Variants in DAZAP2 observed in about 807,000 individuals in gnomAD.
DAZAP2 encodes the protein DAZ associated protein 2.
Under a neutral mutation model 16.2 loss-of-function variants are expected in DAZAP2, and 3 were observed. The observed-to-expected ratio is 0.19, with a 90% confidence interval of 0.08 to 0.48. DAZAP2 has a LOEUF of 0.48. Among genes scored for constraint, DAZAP2 ranks in the 20% least tolerant of loss-of-function variants. The pLI is 0.98. For missense variants in DAZAP2, 172 were observed against 215.9 expected (o/e 0.80, Z 1.27); for synonymous variants, 69 against 77.6 (o/e 0.89, Z 0.58).
Position 51,240,346 on chromosome 12 carries a change from A to G in DAZAP2, c.17A>G (p.Gln6Arg). Residue 6 changes from glutamine to arginine, a missense_variant, in exon 2 of 4, where the codon CAA (glutamine) becomes CGA (arginine). Gln to Arg is a conservative substitution (Grantham distance 43). Coordinates refer to ENST00000412716, the MANE Select transcript of DAZAP2 (RefSeq NM_014764.4). ...TCATTTTTTTCTTGTCTTTCAGGTC[A>G]ATATCCAACACAGCCAACCTACCCT... MNSKG[Q>R]YPTQPTYPVQ... 1.2e-6 allele frequency: 2 copies of G among 1,613,498 alleles called. No individual in the cohort carries two copies. The highest frequency in any genetic ancestry group is 1.7e-6 in the Non-Finnish European group (2 of 1,179,532).
downstream of DAZAP2, chr12:51,246,639 T>TGA (rs1555166538): frequency 1.6e-6 from 1 of 626,212 alleles, no homozygotes; most frequent in Non-Finnish European, 2.7e-6. Context: ...TGTGTGTGTG[T>TGA]AATATAACTT....
downstream of DAZAP2, chr12:51,245,648 A>C (rs1456234283): frequency 3.0e-6 from 1 of 331,862 alleles, no homozygotes; most frequent in Non-Finnish European, 5.6e-6. Flanking sequence ...CCTGTGAAAA[A>C]AGATGACTGG....
chr12:51,246,320 G>A, downstream of DAZAP2: 1 of 668,798 alleles, frequency 1.5e-6, no homozygotes, highest in African/African-American at 1.8e-5. Context: ...TGGTGCTTAA[G>A]CTAAGGACAC....
chr12:51,242,738 T>C lies in DAZAP2; in HGVS notation c.*280T>C, dbSNP rs938558274. ...GGATTTTCCTTTAATTTCTCTGGAG[T>C]AATACTGTACCATACTGGTCTTTGC... is the stretch of plus-strand genomic sequence containing the variant. On this transcript the variant is annotated 3_prime_UTR_variant, in exon 4 of 4. Transcript: ENST00000412716. 1.0e-5 allele frequency: 15 copies of C among 1,461,256 alleles called. No homozygotes were observed. The highest frequency in any genetic ancestry group is 4.3e-5 in the African/African-American group (3 of 70,226). The allele number at this position is 1,461,256 out of a possible 1,614,324, so 90.5% of individuals were successfully genotyped here.
At chr12:51,241,318 A>C (rs1944672721) in intron 3 of DAZAP2, among the ~76,000 whole-genome samples, 1 of 152,140 alleles carries the variant, frequency 6.6e-6, no homozygotes, top group Non-Finnish European at 1.5e-5. Context: ...TGAGTTAACC[A>C]GATTCTTTTG....
chr12:51,245,675 C>T, downstream of DAZAP2: 1 of 422,654 alleles, frequency 2.4e-6, no homozygotes, highest in African/African-American at 2.0e-5. Context: ...ACTCAGATGT[C>T]CCCTGGCATA....
At position 51,238,840 on chromosome 12, in the gene DAZAP2, T is replaced by G. The variant is rs553931724; in HGVS notation, c.-68T>G. Reference sequence around the variant, plus strand: ...GACCATCATGTGACACGGAAGTAGCTCCGAACAGGAAGAGGACGAAAAAAA... The same window carrying G: ...GACCATCATGTGACACGGAAGTAGCGCCGAACAGGAAGAGGACGAAAAAAA... On this transcript the variant is annotated 5_prime_UTR_variant, in exon 1 of 4. Transcript: ENST00000412716. 8.7e-6 allele frequency: 14 copies of G among 1,609,810 alleles called. No homozygotes were observed. The highest frequency in any genetic ancestry group is 5.0e-5 in the Admixed American group (3 of 59,896).
Position 51,243,723 on chromosome 12 carries a change from T to C in DAZAP2, c.*1265T>C, listed in dbSNP as rs1441815651. ...GTGCACTTAACTTGTGGAATTTTTATACTAAAAATGTAGAATAAAGACTAT... is the reference window on the plus strand; with the variant it reads ...GTGCACTTAACTTGTGGAATTTTTACACTAAAAATGTAGAATAAAGACTAT... On this transcript the variant is annotated 3_prime_UTR_variant, in exon 4 of 4. Transcript: ENST00000412716. 2 of 985,346 alleles carry C rather than the reference T, an allele frequency of 2.0e-6. No homozygotes were observed. The highest frequency in any genetic ancestry group is 3.5e-5 in the African/African-American group (2 of 57,240). 61.0% of individuals were successfully genotyped at this position (985,346 alleles called of 1,614,324 possible).
chr12:51,241,212 T>C, intron 3 of DAZAP2, 96 bp downstream of exon 3: 2 of 1,535,226 alleles, frequency 1.3e-6, no homozygotes, highest in Non-Finnish European at 1.8e-6. Flanking sequence ...TGGATGATAG[T>C]TGCCAGTGTT....
chr12:51,245,711 A>C, downstream of DAZAP2: 2 of 482,048 alleles, frequency 4.1e-6, no homozygotes, highest in Non-Finnish European at 7.5e-6. Context: ...CCAGTCACAA[A>C]CACCAGCTCT....
rs567234272 is a variant in DAZAP2 at position 51,242,685 on chromosome 12, A to T, written c.*227A>T. The T allele has an allele frequency of 4.0e-6, 6 of 1,509,322 alleles. No homozygotes were observed. In the African/African-American group the frequency reaches 8.4e-5, roughly 21 times the overall value. 93.5% of individuals were successfully genotyped at this position (1,509,322 alleles called of 1,614,324 possible). ...TGAGGTAGGGGAGGTATCCATTCAT[A>T]AAATGAATGTGGGTGAAGCCGCCCT... On this transcript the variant is annotated 3_prime_UTR_variant, in exon 4 of 4. Transcript: ENST00000412716.
chr12:51,239,049 T>C, intron 1 of DAZAP2, 129 bp downstream of exon 1: 2 of 1,350,924 alleles, frequency 1.5e-6, no homozygotes, highest in South Asian at 1.4e-5. Flanking sequence ...CCGGCTGCAG[T>C]CCAGGGCGCT....
rs571176031 is a variant in DAZAP2 at position 51,241,778 on chromosome 12, G to A, written c.379-552G>A. 5.3e-5 allele frequency among the ~76,000 whole-genome samples: 8 copies of A among 152,096 alleles called. No homozygotes were observed. The South Asian group carries it at 1.7e-3, about 32-fold the overall frequency. The stretch of plus-strand genomic sequence containing the variant: ...TCTACTATAAATACAAAAATTAGCC[G>A]GGCATGGTGGCAGGCGTCTGTAATC... On this transcript the variant is annotated intron_variant, in intron 3 of 3. Coordinates refer to ENST00000412716, the MANE Select transcript of DAZAP2 (RefSeq NM_014764.4).
Position 51,241,074 on chromosome 12 carries a change from A to C in DAZAP2, c.336A>C (p.Ala112=). 1 of 1,614,236 alleles carries C rather than the reference A, an allele frequency of 6.2e-7. No individual in the cohort carries two copies. The highest frequency in any genetic ancestry group is 8.5e-7 in the Non-Finnish European group (1 of 1,180,046). Residue 112 remains alanine (A), a synonymous_variant, in exon 3 of 4, where the codon GCA becomes GCC. Coordinates refer to ENST00000412716, the MANE Select transcript of DAZAP2 (RefSeq NM_014764.4). ...TGCTGGTGGAAGGAGGGTATGATGC[A>C]GGTGCCAGATTTGGAGCTGGGGCTA... ...STVLVEGGYD[A]GARFGAGATA...
downstream of DAZAP2, chr12:51,246,612 GTGT>G (rs1294621173): frequency 3.5e-5 from 18 of 510,918 alleles, no homozygotes; most frequent in Admixed American, 6.5e-4. Context: ...GGCTGTGTGT[GTGT>G]GTGTGTGTGT....
rs772800885 is a variant in DAZAP2, at chr12:51,240,882, G to C, written c.144G>C (p.Pro48=). Residue 48 remains proline, a synonymous_variant, in exon 3 of 4, where the codon CCG becomes CCC. Transcript: ENST00000412716. ...TCTGCCTCTTCTAGCTCTATCGTCC[G>C]AGCTTTGTGCACCCAGGGGCTGCCA... ...APPAYSELYR[P]SFVHPGAATV... The C allele has an allele frequency of 1.2e-6, 2 of 1,613,834 alleles. No homozygotes were observed. The highest frequency in any genetic ancestry group is 2.7e-5 in the African/African-American group (2 of 75,030).
Position 51,238,839 on chromosome 12 carries a change from C to T in DAZAP2, c.-69C>T. The stretch of plus-strand genomic sequence containing the variant: ...GGACCATCATGTGACACGGAAGTAG[C>T]TCCGAACAGGAAGAGGACGAAAAAA... On this transcript the variant is annotated 5_prime_UTR_variant, in exon 1 of 4. Coordinates refer to ENST00000412716, the MANE Select transcript of DAZAP2 (RefSeq NM_014764.4). 6.2e-7 allele frequency: 1 copy of T among 1,610,780 alleles called. No individual in the cohort carries two copies. Among genetic ancestry groups the T allele is most frequent in the Admixed American group, 1.7e-5 (1 of 59,988 alleles).
downstream of DAZAP2, chr12:51,246,604 C>CTGTGTGTGTGTGTG (rs59561227): frequency 2.2e-3 from 756 of 338,178 alleles, 6 homozygotes; most frequent in African/African-American, 0.011. Context: ...TCTTTTATGG[C>CTGTGTGTGTGTGTG]TGTGTGTGTG....
At position 51,238,891 on chromosome 12, in the gene DAZAP2, C is replaced by G; in HGVS notation, c.-17C>G. ...TAACCGTCCGCGACGCCGAGACAAA[C>G]CGGACCCGCAACCACCATGAACAGC... On this transcript the variant is annotated 5_prime_UTR_variant, in exon 1 of 4. Transcript: ENST00000412716. 6.2e-7 allele frequency: 1 copy of G among 1,613,476 alleles called. No homozygotes were observed. The highest frequency in any genetic ancestry group is 1.3e-5 in the African/African-American group (1 of 75,040).
Sources: gnomAD v4.1 joint callset for allele counts (sites outside exome capture counted in the v4.1 genomes callset) on GRCh38, gnomAD v4.1.1 for gene constraint, MANE v1.5 for transcripts, NCBI Gene and HGNC (gene_info 2026-07-23, HGNC 2026-07-21) for gene names.